CEP20: variants seen among roughly 807,000 people sequenced by gnomAD.
CEP20 encodes the protein centrosomal protein 20, also known as FGFR1OP N-terminal like.
A neutral mutation model predicts 20.0 loss-of-function variants in CEP20; 18 were observed. The ratio of observed to expected loss-of-function variants is 0.90; its 90% CI spans 0.62 to 1.34. The LOEUF (loss-of-function observed/expected upper bound fraction) is 1.34. Ranked by LOEUF, CEP20 falls within the 40% of genes most tolerant of loss-of-function variation. The pLI, the probability that CEP20 is intolerant of heterozygous loss-of-function variation, is 0.00. For missense variants in CEP20, 215 were observed against 201.6 expected (o/e 1.07, Z -0.40); for synonymous variants, 77 against 73.7 (o/e 1.04, Z -0.23).
intron 4 of CEP20, among the ~76,000 whole-genome samples, chr16:15,868,139 C>G (rs60409940): frequency 0.067 from 10,191 of 151,912 alleles, 462 homozygotes; most frequent in East Asian, 0.22. Context: ...ATGAAATTTG[C>G]AAGAAAGGAC....
At chr16:15,877,466 T>C (rs2044982663) in intron 3 of CEP20, among the ~76,000 whole-genome samples, 1 of 152,252 alleles carries the variant, frequency 6.6e-6, no homozygotes, top group Admixed American at 6.5e-5. Context: ...ACAATTTTTA[T>C]ACTTTTCAAA....
intron 4 of CEP20, among the ~76,000 whole-genome samples, chr16:15,873,141 C>T (rs2044861585): frequency 6.6e-6 from 1 of 151,626 alleles, no homozygotes; most frequent in African/African-American, 2.4e-5. Flanking sequence ...TGGGGTTTCA[C>T]CATGTCACTT....
At chr16:15,884,800 G>A (rs937320999) in intron 1 of CEP20, among the ~76,000 whole-genome samples, 2 of 151,974 alleles carry the variant, frequency 1.3e-5, no homozygotes, top group Admixed American at 6.6e-5. Context: ...CACCGTGCCC[G>A]GCCAATACAT....
intron 2 of CEP20, 26 bp downstream of exon 2, chr16:15,883,982 T>G (rs2045175104): frequency 1.3e-6 from 2 of 1,574,618 alleles, no homozygotes; most frequent in Non-Finnish European, 8.7e-7. Flanking sequence ...GAAACAGATT[T>G]TATGTGATAA....
chr16:15,871,912 A>G (rs1384517519), intron 4 of CEP20, among the ~76,000 whole-genome samples: 1 of 152,202 alleles, frequency 6.6e-6, no homozygotes, highest in Admixed American at 6.5e-5. Context: ...GGCAATCCAC[A>G]TTTTAGGCGT....
At chr16:15,888,530 A>G (rs768924843) in intron 1 of CEP20, 28 bp downstream of exon 1, 1 of 1,613,772 alleles carries the variant, frequency 6.2e-7, no homozygotes, top group Non-Finnish European at 8.5e-7. Context: ...GACGCTTCCC[A>G]TGTGGAGGCC....
At chr16:15,867,793 T>C (rs2044715835) in intron 4 of CEP20, among the ~76,000 whole-genome samples, 1 of 151,958 alleles carries the variant, frequency 6.6e-6, no homozygotes, top group African/African-American at 2.4e-5. Flanking sequence ...GCCAACATGG[T>C]GAAACCCCGT....
chr16:15,874,083 G>A (rs2044886190), intron 3 of CEP20, among the ~76,000 whole-genome samples: 1 of 152,194 alleles, frequency 6.6e-6, no homozygotes, highest in Non-Finnish European at 1.5e-5. Context: ...TTTGCTAGCT[G>A]TGGGACTCTG....
At chr16:15,877,691 C>T (rs1323601200) in intron 3 of CEP20, among the ~76,000 whole-genome samples, 6 of 152,012 alleles carry the variant, frequency 3.9e-5, no homozygotes, top group Non-Finnish European at 7.4e-5. Context: ...GTGGGAGAAT[C>T]GCTTGAGCCC....
intron 1 of CEP20, among the ~76,000 whole-genome samples, chr16:15,887,203 T>C (rs1241185148): frequency 6.6e-6 from 1 of 152,190 alleles, no homozygotes; most frequent in Non-Finnish European, 1.5e-5. Context: ...ATTCCAAGTG[T>C]ACCTTTAAAT....
At chr16:15,886,299 AC>A (rs2045246645) in intron 1 of CEP20, 1 of 152,200 alleles carries the variant, frequency 6.6e-6, no homozygotes, top group African/African-American at 2.4e-5. Flanking sequence ...CTGACTTTTG[AC>A]CTTTCTTTCC....
intron 3 of CEP20, 113 bp from the exon 4 acceptor site, chr16:15,873,740 T>C: frequency 8.2e-7 from 1 of 1,220,162 alleles, no homozygotes; most frequent in Non-Finnish European, 1.1e-6. Context: ...AAAGACCAAG[T>C]GATTCACTAG....
rs779775014 is a variant in CEP20, at chr16:15,884,116, G to A, written c.118C>T (p.Arg40Cys). The A allele has an allele frequency of 5.0e-6, 8 of 1,614,102 alleles. No individual in the cohort carries two copies. Among genetic ancestry groups the A allele is most frequent in the Admixed American group, 3.3e-5 (2 of 60,010 alleles). The change falls in exon 2 of 5, where the codon CGT (arginine) becomes TGT (cysteine). Residue 40 changes from arginine (R) to cysteine (C), a missense_variant. Arg to Cys is a radical substitution (Grantham distance 180, BLOSUM62 -3). Coordinates refer to ENST00000255759, the MANE Select transcript of CEP20 (RefSeq NM_144600.4). ...AEVFNALDDD[R>C]EPRPSLSHEN... is the part of the protein sequence containing the mutation. ...TGAGACAATGATGGTCGGGGTTCACGGTCATCATCTAGGGCATTGAAAACT... is the reference window on the plus strand; with the variant it reads ...TGAGACAATGATGGTCGGGGTTCACAGTCATCATCTAGGGCATTGAAAACT...
chr16:15,886,142 A>G (rs1391250676), intron 1 of CEP20: 1 of 152,240 alleles, frequency 6.6e-6, no homozygotes, highest in Non-Finnish European at 1.5e-5. Context: ...TGCCAAAGGC[A>G]CCAAGTAAGT....
chr16:15,883,366 A>G (rs1044752879), intron 2 of CEP20, among the ~76,000 whole-genome samples: 1 of 151,908 alleles, frequency 6.6e-6, no homozygotes, highest in Non-Finnish European at 1.5e-5. Context: ...CTGTCTCTGG[A>G]AAAAGAAAAA....
intron 4 of CEP20, among the ~76,000 whole-genome samples, chr16:15,870,181 T>C (rs1301844575): frequency 6.6e-6 from 1 of 151,254 alleles, no homozygotes; most frequent in East Asian, 2.0e-4. Flanking sequence ...ACTTTCTTAC[T>C]AGTCATGAGC....
intron 2 of CEP20, among the ~76,000 whole-genome samples, chr16:15,882,477 C>A (rs1163135474): frequency 2.0e-5 from 3 of 151,768 alleles, no homozygotes; most frequent in East Asian, 3.9e-4. Flanking sequence ...TTGCAGTGAG[C>A]CGAGATCAAT....
chr16:15,879,746 C>T, intron 3 of CEP20, 58 bp downstream of exon 3: 1 of 957,518 alleles, frequency 1.0e-6, no homozygotes, highest in South Asian at 1.4e-5. Context: ...GTAAAACCAC[C>T]ATGGTGCAAT....
At position 15,866,077 on chromosome 16, in the gene CEP20, C is replaced by G. The variant is rs2044671501; in HGVS notation, c.*1363G>C. On this transcript the variant is annotated 3_prime_UTR_variant, in exon 5 of 5. Coordinates refer to ENST00000255759, the MANE Select transcript of CEP20 (RefSeq NM_144600.4). ...TTTAAAAATGGAAAATGGACTCTTGCAATACTTCTGCATCCATATATAATT... is the reference window on the plus strand; with the variant it reads ...TTTAAAAATGGAAAATGGACTCTTGGAATACTTCTGCATCCATATATAATT... 6.6e-6 allele frequency: 1 copy of G among 152,158 alleles called. No individual in the cohort carries two copies. The highest frequency in any genetic ancestry group is 2.4e-5 in the African/African-American group (1 of 41,444). The allele number at this position is 152,158 out of a possible 1,614,324, so 9.4% of individuals were successfully genotyped here. A position where few individuals can be genotyped will look rare whatever the true frequency, so the allele number is the denominator to read the frequency against.
Sources: gnomAD v4.1 joint callset for allele counts (sites outside exome capture counted in the v4.1 genomes callset) on GRCh38, gnomAD v4.1.1 for gene constraint, MANE v1.5 for transcripts, NCBI Gene and HGNC (gene_info 2026-07-23, HGNC 2026-07-21) for gene names.